The following KLHL12 variants were observed in gnomAD, a reference collection of about 807,000 sequenced individuals.
KLHL12 encodes kelch like family member 12, also known as kelch-like protein 12.
Under a neutral mutation model 60.8 loss-of-function variants are expected in KLHL12, and 17 were observed. That is an observed-to-expected ratio of 0.28 (90% CI 0.19 to 0.42). KLHL12 has a LOEUF of 0.42. Ranked by LOEUF, KLHL12 falls within the 10% of genes least tolerant of loss-of-function variation. The pLI is 1.00. For missense variants in KLHL12, 468 were observed against 722.3 expected, an observed-to-expected ratio of 0.65 and a Z score of 4.04; for synonymous variants, 220 against 250.9, an observed-to-expected ratio of 0.88 and a Z score of 1.16.
chr1:202,921,849 TTC>T (rs1350092516), intron 2 of KLHL12, among the ~76,000 whole-genome samples: 1 of 152,230 alleles, frequency 6.6e-6, no homozygotes, highest in East Asian at 1.9e-4. Flanking sequence ...CGTTTTTTAT[TTC>T]TCCATCAGCC....
intron 6 of KLHL12, among the ~76,000 whole-genome samples, chr1:202,905,193 G>C (rs941781019): frequency 6.6e-6 from 1 of 152,184 alleles, no homozygotes; most frequent in African/African-American, 2.4e-5. Context: ...CTTAAGGTCA[G>C]GGCAATAAGC....
intron 6 of KLHL12, among the ~76,000 whole-genome samples, chr1:202,897,989 T>A (rs1447280054): frequency 2.6e-5 from 4 of 152,182 alleles, no homozygotes; most frequent in Non-Finnish European, 4.4e-5. Context: ...GGAAAAGTCT[T>A]TTTCTCTATT....
rs751525786 is a variant in KLHL12, at chr1:202,918,228, C to T, written c.510G>A (p.Glu170=). 3 of 1,614,178 alleles carry T rather than the reference C, an allele frequency of 1.9e-6. No individual in the cohort carries two copies. Among genetic ancestry groups the T allele is most frequent in the Non-Finnish European group, 2.5e-6 (3 of 1,180,016 alleles). Residue 170 remains glutamate (E), a synonymous_variant, in exon 4 of 12, where the codon GAG becomes GAA. Transcript: ENST00000367261. The part of the protein sequence containing the change: ...KHFPEVVQHE[E]FILLSQGEVE... ...CCTCTCCTTGACTCAGAAGAATGAA[C>T]TCTTCATGCTGTACCACTTCAGGAA... is the stretch of plus-strand genomic sequence containing the variant.
At chr1:202,914,426 T>C (rs1243988237) in intron 4 of KLHL12, among the ~76,000 whole-genome samples, 2 of 152,238 alleles carry the variant, frequency 1.3e-5, no homozygotes, top group Non-Finnish European at 2.9e-5. Context: ...ATGTCCTTGA[T>C]CTTAACTTAA....
intron 6 of KLHL12, among the ~76,000 whole-genome samples, chr1:202,904,218 GGTC>G (rs774227881): frequency 2.6e-5 from 4 of 151,450 alleles, no homozygotes; most frequent in East Asian, 2.0e-4. Context: ...TGGTCAGGCT[GGTC>G]TCAAACTCCC....
At position 202,903,223 on chromosome 1, in the gene KLHL12, C is replaced by A. The variant is rs1660069165; in HGVS notation, c.832+5787G>T. Among the ~76,000 whole-genome samples, 2 of 149,728 alleles carry A rather than the reference C, an allele frequency of 1.3e-5. 1 individual carries two copies. The highest frequency in any genetic ancestry group is 4.2e-4 in the South Asian group (2 of 4,710). ...ATAAGGTGACTTTTTGAAGCTGTTA[C>A]CAATTACACTCCCACCAACACTATA... On this transcript the variant is annotated intron_variant, in intron 6 of 11. Transcript: ENST00000367261.
intron 4 of KLHL12, chr1:202,912,292 A>G (rs553121931): frequency 7.0e-6 from 6 of 854,948 alleles, no homozygotes; most frequent in South Asian, 3.9e-5. Flanking sequence ...GACTCTGTGA[A>G]TAAGACTGCC....
intron 6 of KLHL12, among the ~76,000 whole-genome samples, chr1:202,903,629 C>CTTTTTTTTTCTTTTT (rs1660088830): frequency 1.3e-5 from 1 of 76,084 alleles, no homozygotes; most frequent in South Asian, 5.4e-4. Context: ...TTTTTCTTTT[C>CTTTTTTTTTCTTTTT]TTTTTTTTTT....
chr1:202,897,203 A>C (rs10920519), intron 6 of KLHL12, among the ~76,000 whole-genome samples: 32,156 of 150,010 alleles, frequency 0.21, 4,202 homozygotes, highest in East Asian at 0.52. Flanking sequence ...GCAAACTTCA[A>C]CATGACACTG....
At chr1:202,901,221 AC>A (rs1415143127) in intron 6 of KLHL12, among the ~76,000 whole-genome samples, 1 of 152,162 alleles carries the variant, frequency 6.6e-6, no homozygotes, top group Non-Finnish European at 1.5e-5. Context: ...CTATATGTCT[AC>A]AGTGGAACTT....
chr1:202,906,195 G>A (rs1427048838), intron 6 of KLHL12, among the ~76,000 whole-genome samples: 4 of 147,722 alleles, frequency 2.7e-5, no homozygotes, highest in Non-Finnish European at 6.0e-5. Flanking sequence ...GCTCATGCCC[G>A]TAATCCCAGC....
chr1:202,909,303 AT>A lies in KLHL12; in HGVS notation c.718-180del, dbSNP rs1238447483. The A allele has an allele frequency of 6.4e-6, 3 of 466,744 alleles. No homozygotes were observed. Among genetic ancestry groups the A allele is most frequent in the Non-Finnish European group, 1.1e-5 (3 of 261,788 alleles). The allele number at this position is 466,744 out of a possible 1,614,324, so 28.9% of individuals were successfully genotyped here. A position where few individuals can be genotyped will look rare whatever the true frequency, so the allele number is the denominator to read the frequency against. ...TCGGTTTCCAGAAATGATTTTTAAA[AT>A]TTACTTGAAAAATAGATAACATACT... is the stretch of plus-strand genomic sequence containing the variant. On this transcript the variant is annotated intron_variant, in intron 5 of 11. Transcript: ENST00000367261. This position sits in a 1 kb window ranked among gnomAD's most constrained non-coding sequence, Gnocchi z 4.1.
chr1:202,903,222 A>G (rs1660069081), intron 6 of KLHL12, among the ~76,000 whole-genome samples: 1 of 150,244 alleles, frequency 6.7e-6, no homozygotes, highest in Non-Finnish European at 1.5e-5. Context: ...TGAAGCTGTT[A>G]CCAATTACAC....
At position 202,893,251 on chromosome 1, in the gene KLHL12, T is replaced by C; in HGVS notation, c.1568A>G (p.Tyr523Cys). The change falls in exon 11 of 12, where the codon TAT becomes TGT. Residue 523 changes from tyrosine (Y) to cysteine (C), a missense_variant. Tyr to Cys is a radical substitution (Grantham distance 194). Coordinates refer to ENST00000367261, the MANE Select transcript of KLHL12 (RefSeq NM_021633.4). The surrounding 1 kb of genome is among the most constrained non-coding windows in gnomAD (Gnocchi z 4.1). The part of the protein sequence containing the change: ...VGATVLRGRL[Y>C]AIAGYDGNSL... ...TCTAAATCCTCACCCTGCAATTGCA[T>C]AGAGTCTCCCCCGAAGCACTGTGGC... 6.2e-7 allele frequency: 1 copy of C among 1,604,782 alleles called. No homozygotes were observed. The highest frequency in any genetic ancestry group is 8.5e-7 in the Non-Finnish European group (1 of 1,176,420).
chr1:202,903,629 C>CTTTTTCTTTTTTTTT (rs1660088423), intron 6 of KLHL12, among the ~76,000 whole-genome samples: 1 of 76,086 alleles, frequency 1.3e-5, no homozygotes, highest in Non-Finnish European at 2.5e-5. Flanking sequence ...TTTTTCTTTT[C>CTTTTTCTTTTTTTTT]TTTTTTTTTT....
At chr1:202,913,448 A>C (rs144193954) in intron 4 of KLHL12, among the ~76,000 whole-genome samples, 6 of 152,364 alleles carry the variant, frequency 3.9e-5, no homozygotes, top group African/African-American at 1.2e-4. Flanking sequence ...CATTCATTTG[A>C]GGGCTTTACT....
Position 202,927,154 on chromosome 1 carries a change from C to G in KLHL12, c.-111G>C. On this transcript the variant is annotated 5_prime_UTR_variant, in exon 1 of 12. Transcript: ENST00000367261. Reference sequence around the variant, plus strand: ...CAGCCTGTGGGGATGGAGTGCGGCGCGGGGCTAGCAGGCGGCTCGGGAGGA... The same window carrying G: ...CAGCCTGTGGGGATGGAGTGCGGCGGGGGGCTAGCAGGCGGCTCGGGAGGA... 2 of 985,278 alleles carry G rather than the reference C, an allele frequency of 2.0e-6. No homozygotes were observed. Among genetic ancestry groups the G allele is most frequent in the Non-Finnish European group, 2.4e-6 (2 of 829,932 alleles). The allele number at this position is 985,278 out of a possible 1,614,324, so 61.0% of individuals were successfully genotyped here.
intron 6 of KLHL12, 82 bp from the exon 7 acceptor site, chr1:202,897,042 C>G: frequency 9.8e-7 from 1 of 1,021,552 alleles, no homozygotes; most frequent in Non-Finnish European, 1.6e-6. Context: ...TCAACAGAAA[C>G]AGTTCTAGGA....
At chr1:202,926,957 A>G (rs1270574178) in intron 1 of KLHL12, 132 bp downstream of exon 1, 3 of 693,194 alleles carry the variant, frequency 4.3e-6, no homozygotes, top group Non-Finnish European at 5.3e-6. Flanking sequence ...CCCCACTGCC[A>G]GCCTTCCTCC....
Sources: gnomAD v4.1 joint callset for allele counts (sites outside exome capture counted in the v4.1 genomes callset) on GRCh38, gnomAD v4.1.1 for gene constraint, Gnocchi (gnomAD v3.1) non-coding constraint, MANE v1.5 for transcripts, NCBI Gene and HGNC (gene_info 2026-07-23, HGNC 2026-07-21) for gene names.